Variants in PUS7L observed in about 807,000 individuals in gnomAD.
PUS7L encodes the protein pseudouridylate synthase PUS7L.
Under a neutral mutation model 51.1 loss-of-function variants are expected in PUS7L, and 49 were observed. The observed-to-expected ratio is 0.96, with a 90% confidence interval of 0.76 to 1.22. The LOEUF (loss-of-function observed/expected upper bound fraction) is 1.22, where lower values mean the gene tolerates loss of function less well. Ranked by LOEUF, PUS7L falls within the 50% of genes most tolerant of loss-of-function variation. PUS7L has a pLI of 0.00. For missense variants in PUS7L, 828 were observed against 820.6 expected (o/e 1.01, Z -0.11); for synonymous variants, 277 against 276.2 (o/e 1.00, Z -0.03).
chr12:43,736,353 T>C (rs1944688307), intron 7 of PUS7L, 28 bp downstream of exon 7: 1 of 1,600,270 alleles, frequency 6.2e-7, no homozygotes, highest in South Asian at 1.1e-5. Context: ...TAACTACTCT[T>C]GGAAAACTCT....
chr12:43,736,557 G>A lies in PUS7L; in HGVS notation c.1549C>T (p.Gln517Ter), dbSNP rs201646830. The part of the protein sequence containing the change: ...RFGMTEEGCI[Q>*]AWFSLPHSMR... ...GAATGGGGTAAAGAGAACCATGCCT[G>A]GATACAACCTTCCTCGGTCATGCCA... Residue 517 changes from glutamine to a stop codon, truncating the protein, a stop_gained, in exon 7 of 9, where the codon CAG (glutamine) becomes TAG (stop). Transcript: ENST00000344862. LOFTEE classifies it high-confidence loss of function. 6.2e-7 allele frequency: 1 copy of A among 1,613,976 alleles called. No homozygotes were observed. The highest frequency in any genetic ancestry group is 8.5e-7 in the Non-Finnish European group (1 of 1,180,024).
intron 1 of PUS7L, 74 bp from the exon 2 acceptor site, chr12:43,755,335 C>T (rs1938652442): frequency 1.1e-6 from 1 of 871,330 alleles, no homozygotes. Flanking sequence ...AATAGGTTTG[C>T]AGGATTTAGT....
Position 43,736,422 on chromosome 12 carries a change from A to T in PUS7L, c.1684T>A (p.Leu562Met). 1 of 1,614,168 alleles carries T rather than the reference A, an allele frequency of 6.2e-7. No individual in the cohort carries two copies. The highest frequency in any genetic ancestry group is 8.5e-7 in the Non-Finnish European group (1 of 1,180,024). Residue 562 changes from leucine to methionine, a missense_variant, in exon 7 of 9, where the codon TTG (leucine) becomes ATG (methionine). Transcript: ENST00000344862. ...TTCTCGTCATCAATGTCTTCATCCA[A>T]ACAGACCAAATCACCCTGCACTACT... ...ARVVQGDLVC[L>M]DEDIDDENFP...
Position 43,724,830 on chromosome 12 carries a change from T to C in PUS7L, c.*5546A>G. The C allele has an allele frequency of 1.3e-5, 2 of 152,342 alleles. No homozygotes were observed. Among genetic ancestry groups the C allele is most frequent in the Middle Eastern group, 6.8e-3 (2 of 294 alleles). 9.4% of individuals were successfully genotyped at this position (152,342 alleles called of 1,614,324 possible). Reference sequence around the variant, plus strand: ...CTATACTATTATTTATTTAATACCTTTAAATTGATTCTACCTCTTTAAAAT... The same window carrying C: ...CTATACTATTATTTATTTAATACCTCTAAATTGATTCTACCTCTTTAAAAT... On this transcript the variant is annotated 3_prime_UTR_variant, in exon 9 of 9. Transcript: ENST00000344862.
intron 2 of PUS7L, among the ~76,000 whole-genome samples, chr12:43,753,097 A>T (rs904181474): frequency 7.2e-5 from 11 of 152,296 alleles, no homozygotes; most frequent in African/African-American, 2.6e-4. Flanking sequence ...AGCTGCTTAA[A>T]TCACTCACCA....
intron 1 of PUS7L, among the ~76,000 whole-genome samples, chr12:43,756,020 T>G (rs914681515): frequency 6.6e-6 from 1 of 152,172 alleles, no homozygotes; most frequent in Non-Finnish European, 1.5e-5. Flanking sequence ...GAAAGATAAA[T>G]TGCCCAGGGG....
At chr12:43,758,626 G>C in intron 1 of PUS7L, 104 bp downstream of exon 1, 1 of 970,868 alleles carries the variant, frequency 1.0e-6, no homozygotes, top group Non-Finnish European at 1.2e-6. Flanking sequence ...GGGCGCAAAG[G>C]GTATGGATCC....
At position 43,729,227 on chromosome 12, in the gene PUS7L, A is replaced by G. The variant is rs1461563819; in HGVS notation, c.*1149T>C. 4 of 397,822 alleles carry G rather than the reference A, an allele frequency of 1.0e-5. No homozygotes were observed. The highest frequency in any genetic ancestry group is 1.8e-5 in the Non-Finnish European group (4 of 225,628). The allele number at this position is 397,822 out of a possible 1,614,324, so 24.6% of individuals were successfully genotyped here. Reference sequence around the variant, plus strand: ...TATATGAAAATATTGCAATAAGCAAATTTTGCATTGCATATAGCTTCTCTT... The same window carrying G: ...TATATGAAAATATTGCAATAAGCAAGTTTTGCATTGCATATAGCTTCTCTT... On this transcript the variant is annotated 3_prime_UTR_variant, in exon 9 of 9. Coordinates refer to ENST00000344862, the MANE Select transcript of PUS7L (RefSeq NM_031292.5).
Position 43,722,554 on chromosome 12 carries a change from G to A in PUS7L, c.*7822C>T, listed in dbSNP as rs1944409673. ...ATTTACATAGAATAAAAATGTATTC[G>A]ATTCCTTTGCGATATTTTATAGAAA... On this transcript the variant is annotated 3_prime_UTR_variant, in exon 9 of 9. Transcript: ENST00000344862. 1 of 151,902 alleles carries A rather than the reference G, an allele frequency of 6.6e-6. No individual in the cohort carries two copies. Among genetic ancestry groups the A allele is most frequent in the Admixed American group, 6.6e-5 (1 of 15,244 alleles). The allele number at this position is 151,902 out of a possible 1,614,324, so 9.4% of individuals were successfully genotyped here.
At chr12:43,736,112 G>C (rs369705571) in intron 7 of PUS7L, among the ~76,000 whole-genome samples, 153 of 152,038 alleles carry the variant, frequency 1.0e-3, no homozygotes, top group African/African-American at 3.4e-3. Flanking sequence ...TGCATTATTT[G>C]TGTAATCTTT....
At chr12:43,752,258 C>T (rs1404394499) in intron 2 of PUS7L, among the ~76,000 whole-genome samples, 1 of 152,174 alleles carries the variant, frequency 6.6e-6, no homozygotes, top group African/African-American at 2.4e-5. Flanking sequence ...TGGCTGTTGG[C>T]ATGAAGCTCT....
chr12:43,754,259 G>T, intron 2 of PUS7L, 77 bp downstream of exon 2: 2 of 1,008,320 alleles, frequency 2.0e-6, no homozygotes, highest in Non-Finnish European at 3.0e-6. Context: ...CTCTAGCCAA[G>T]TCTGTTCAAT....
chr12:43,745,737 T>A (rs1938132715), intron 4 of PUS7L, among the ~76,000 whole-genome samples: 1 of 140,680 alleles, frequency 7.1e-6, no homozygotes, highest in Non-Finnish European at 1.6e-5. Flanking sequence ...AATACTACTC[T>A]ATATAGCAGA....
Position 43,729,478 on chromosome 12 carries a change from G to T in PUS7L, c.*898C>A, listed in dbSNP as rs1444529291. 2 of 337,932 alleles carry T rather than the reference G, an allele frequency of 5.9e-6. No individual in the cohort carries two copies. Among genetic ancestry groups the T allele is most frequent in the Admixed American group, 4.8e-5 (1 of 20,856 alleles). 20.9% of individuals were successfully genotyped at this position (337,932 alleles called of 1,614,324 possible). A position where few individuals can be genotyped will look rare whatever the true frequency, so the allele number is the denominator to read the frequency against. On this transcript the variant is annotated 3_prime_UTR_variant, in exon 9 of 9. Transcript: ENST00000344862. ...ACCCATATTTAACTGATATAAAATG[G>T]TGAAGGATGATTTATAATGTGGGAT...
At chr12:43,751,714 G>T (rs1324318619) in intron 2 of PUS7L, among the ~76,000 whole-genome samples, 1 of 152,190 alleles carries the variant, frequency 6.6e-6, no homozygotes, top group African/African-American at 2.4e-5. Flanking sequence ...TATATACCCA[G>T]TAATGGTATG....
At chr12:43,747,289 A>C (rs1340432179) in intron 3 of PUS7L, among the ~76,000 whole-genome samples, 1 of 152,262 alleles carries the variant, frequency 6.6e-6, no homozygotes, top group African/African-American at 2.4e-5. Context: ...TAAACAAATT[A>C]GTCTATATGA....
Position 43,746,034 on chromosome 12 carries a change from A to G in PUS7L, c.1263+12T>C. On this transcript the variant is annotated intron_variant, in intron 4 of 8. Transcript: ENST00000344862. ...ATTTCCCTGGATGCCTTTTAAAATTAAGTTTTCTTACCTTAACATTTTCTA... is the reference window on the plus strand; with the variant it reads ...ATTTCCCTGGATGCCTTTTAAAATTGAGTTTTCTTACCTTAACATTTTCTA... The G allele has an allele frequency of 1.5e-6, 2 of 1,326,742 alleles. No individual in the cohort carries two copies. Among genetic ancestry groups the G allele is most frequent in the Non-Finnish European group, 2.1e-6 (2 of 941,440 alleles). The allele number at this position is 1,326,742 out of a possible 1,614,324, so 82.2% of individuals were successfully genotyped here.
At chr12:43,741,352 T>C (rs1937889939) in intron 5 of PUS7L, among the ~76,000 whole-genome samples, 1 of 152,226 alleles carries the variant, frequency 6.6e-6, no homozygotes, top group South Asian at 2.1e-4. Context: ...CAAAAGTTCT[T>C]TCATTTGATT....
At chr12:43,737,678 C>T (rs921092666) in intron 6 of PUS7L, among the ~76,000 whole-genome samples, 3 of 151,876 alleles carry the variant, frequency 2.0e-5, no homozygotes, top group African/African-American at 7.2e-5. Context: ...TCTCATAATA[C>T]TCTTTTAGGT....
Sources: gnomAD v4.1 joint callset for allele counts (sites outside exome capture counted in the v4.1 genomes callset) on GRCh38, gnomAD v4.1.1 for gene constraint, MANE v1.5 for transcripts, NCBI Gene and HGNC (gene_info 2026-07-23, HGNC 2026-07-21) for gene names.